The following PCCA variants were observed in gnomAD, a reference collection of about 807,000 sequenced individuals.
PCCA encodes propionyl-CoA carboxylase subunit alpha.
PCCA carries 74 observed loss-of-function variants against 101.3 expected under a neutral mutation model. The ratio of observed to expected loss-of-function variants is 0.73; its 90% CI spans 0.61 to 0.89. The LOEUF is 0.89. PCCA is among the 40% of genes least tolerant of loss of function. The pLI is 0.00. For missense variants in PCCA, 891 were observed against 907.0 expected (o/e 0.98, Z 0.23); for synonymous variants, 294 against 313.6 (o/e 0.94, Z 0.66).
intron 21 of PCCA, chr13:100,480,162 G>A (rs903109579): frequency 2.0e-5 from 3 of 152,200 alleles, no homozygotes; most frequent in Non-Finnish European, 2.9e-5. Context: ...CAGAGCTTCA[G>A]CACATATTTT....
At chr13:100,140,422 G>GA (rs1245379576) in intron 4 of PCCA, among the ~76,000 whole-genome samples, 3 of 151,708 alleles carry the variant, frequency 2.0e-5, no homozygotes, top group Admixed American at 6.6e-5. Context: ...AGAGCAAAAG[G>GA]AAAAAAAATA....
intron 6 of PCCA, among the ~76,000 whole-genome samples, chr13:100,163,468 G>T (rs1417720550): frequency 1.3e-5 from 2 of 152,124 alleles, no homozygotes; most frequent in African/African-American, 2.4e-5. Flanking sequence ...AATACTGTGT[G>T]TTTCTTGTAG....
At position 100,290,588 on chromosome 13, in the gene PCCA, A is replaced by G. The variant is rs1019873412; in HGVS notation, c.1066-10872A>G. On this transcript the variant is annotated intron_variant, in intron 12 of 23. Transcript: ENST00000376285. Reference sequence around the variant, plus strand: ...TATGCCTTGGTTTGTGTTTGTATACATTAACCCTGCCTTTTAGTCCATGCC... The same window carrying G: ...TATGCCTTGGTTTGTGTTTGTATACGTTAACCCTGCCTTTTAGTCCATGCC... Among the ~76,000 whole-genome samples the G allele has an allele frequency of 3.9e-5, 6 of 152,284 alleles. No individual in the cohort carries two copies. The South Asian group carries it at 1.2e-3, about 32-fold the overall frequency.
intron 12 of PCCA, among the ~76,000 whole-genome samples, chr13:100,278,575 G>A (rs940489044): frequency 6.6e-6 from 1 of 151,920 alleles, no homozygotes; most frequent in Non-Finnish European, 1.5e-5. Context: ...CGCCTCCCGG[G>A]TTCAGGCAAT....
intron 16 of PCCA, 36 bp downstream of exon 16, chr13:100,309,944 T>C: frequency 6.9e-7 from 1 of 1,448,462 alleles, no homozygotes. Flanking sequence ...GGTTATTGTA[T>C]ATGGTGTCCA....
At chr13:100,373,851 C>T (rs2075731899) in intron 19 of PCCA, among the ~76,000 whole-genome samples, 1 of 152,118 alleles carries the variant, frequency 6.6e-6, no homozygotes, top group African/African-American at 2.4e-5. Flanking sequence ...GTGGCTCACA[C>T]CTGTAATCCC....
rs191881954 is a variant in PCCA at position 100,327,755 on chromosome 13, A to T, written c.1430-2806A>T. Among the ~76,000 whole-genome samples the T allele has an allele frequency of 4.6e-5, 7 of 152,326 alleles. 1 individual carries two copies. Among genetic ancestry groups the T allele is most frequent in the African/African-American group, 1.7e-4 (7 of 41,578 alleles). ...ATCTGTCTTTTCACTTTGGCCATGTAAATCGGTATATTGACGGCATCTCAT... is the reference window on the plus strand; with the variant it reads ...ATCTGTCTTTTCACTTTGGCCATGTTAATCGGTATATTGACGGCATCTCAT... On this transcript the variant is annotated intron_variant, in intron 16 of 23. Coordinates refer to ENST00000376285, the MANE Select transcript of PCCA (RefSeq NM_000282.4).
intron 20 of PCCA, among the ~76,000 whole-genome samples, chr13:100,437,231 G>A (rs1053577326): frequency 2.0e-5 from 3 of 152,084 alleles, no homozygotes; most frequent in Non-Finnish European, 2.9e-5. Context: ...AGAACCACCC[G>A]CACCTGCTTT....
intron 22 of PCCA, among the ~76,000 whole-genome samples, chr13:100,525,512 G>T (rs2087724490): frequency 6.6e-6 from 1 of 152,258 alleles, no homozygotes; most frequent in African/African-American, 2.4e-5. Flanking sequence ...GAGTAGAGCT[G>T]TAGCCAGGTC....
In PCCA at chr13:100,196,954, C is replaced by T. The variant is rs535614723; in HGVS notation, c.469-12378C>T. Among the ~76,000 whole-genome samples the T allele has an allele frequency of 3.3e-5, 5 of 152,254 alleles. No individual in the cohort carries two copies. The South Asian group carries it at 1.0e-3, about 32-fold the overall frequency. On this transcript the variant is annotated intron_variant, in intron 6 of 23. Coordinates refer to ENST00000376285, the MANE Select transcript of PCCA (RefSeq NM_000282.4). ...GTAGGTGAGAGGCTGAGGGCATCCT[C>T]TTCTAGGTTATTCTGCTCCTTCCTA...
At chr13:100,341,523 A>T (rs188118873) in intron 18 of PCCA, among the ~76,000 whole-genome samples, 27 of 152,196 alleles carry the variant, frequency 1.8e-4, no homozygotes, top group African/African-American at 5.8e-4. Context: ...CTACATTTCA[A>T]CTGTTCCATA....
intron 17 of PCCA, among the ~76,000 whole-genome samples, chr13:100,338,254 T>G (rs149023012): frequency 1.3e-5 from 2 of 152,302 alleles, no homozygotes; most frequent in African/African-American, 4.8e-5. Context: ...ATTATATATA[T>G]TGATATTTAC....
In PCCA at chr13:100,171,318, A is replaced by G. The variant is rs75035076; in HGVS notation, c.468+13978A>G. ...TAAGCCAAAGCTCCTTGAGATTGTC[A>G]ATATTTAAAACTGTAAAGCCCAGAA... On this transcript the variant is annotated intron_variant, in intron 6 of 23. Transcript: ENST00000376285. 5.9e-3 allele frequency among the ~76,000 whole-genome samples: 891 copies of G among 152,288 alleles called. 8 individuals are homozygous for G. Among genetic ancestry groups the G allele is most frequent in the African/African-American group, 0.02 (840 of 41,558 alleles).
intron 14 of PCCA, among the ~76,000 whole-genome samples, chr13:100,306,729 A>C (rs1032736265): frequency 3.9e-5 from 6 of 152,172 alleles, no homozygotes; most frequent in African/African-American, 7.2e-5. Flanking sequence ...AGTGTTTTAC[A>C]GTTGAGAGGG....
intron 6 of PCCA, chr13:100,198,275 T>A (rs1467784633): frequency 2.6e-5 from 4 of 152,230 alleles, no homozygotes; most frequent in African/African-American, 7.2e-5. Context: ...TCTCATCTCG[T>A]CTGTGATTTC....
intron 18 of PCCA, among the ~76,000 whole-genome samples, chr13:100,348,535 T>G (rs2072621086): frequency 6.6e-6 from 1 of 152,288 alleles, no homozygotes; most frequent in African/African-American, 2.4e-5. Flanking sequence ...TTTTAAAAGC[T>G]AAAATGATTT....
chr13:100,482,465 T>G (rs2084017191), intron 21 of PCCA, among the ~76,000 whole-genome samples: 1 of 152,140 alleles, frequency 6.6e-6, no homozygotes, highest in African/African-American at 2.4e-5. Context: ...AAGAGCGCTG[T>G]CTTGTGAGGC....
intron 18 of PCCA, among the ~76,000 whole-genome samples, chr13:100,365,672 A>G (rs968600633): frequency 6.6e-6 from 1 of 152,244 alleles, no homozygotes; most frequent in South Asian, 2.1e-4. Flanking sequence ...TGAGATGAGA[A>G]TCCAAAGTTT....
chr13:100,282,911 G>T (rs547193570), intron 12 of PCCA, among the ~76,000 whole-genome samples: 1 of 151,734 alleles, frequency 6.6e-6, no homozygotes, highest in Non-Finnish European at 1.5e-5. Context: ...ATCTCCCCCC[G>T]CCCAGAAGGA....
Sources: gnomAD v4.1 joint callset for allele counts (sites outside exome capture counted in the v4.1 genomes callset) on GRCh38, gnomAD v4.1.1 for gene constraint, MANE v1.5 for transcripts, NCBI Gene and HGNC (gene_info 2026-07-23, HGNC 2026-07-21) for gene names.